HMCES: variants seen among roughly 807,000 people sequenced by gnomAD.
HMCES encodes abasic site processing protein HMCES.
A neutral mutation model predicts 35.1 loss-of-function variants in HMCES; 27 were observed. That is an observed-to-expected ratio of 0.77 (90% CI 0.57 to 1.06). HMCES has a LOEUF of 1.06. Among genes scored for constraint, HMCES ranks in the 50% least tolerant of loss-of-function variants. The pLI is 0.00. For synonymous variants in HMCES, 130 were observed against 154.7 expected (o/e 0.84, Z 1.18); for missense variants, 391 against 430.4 (o/e 0.91, Z 0.81).
At chr3:129,299,890 AAGTGCTGGGATTAC>A (rs2071141285) in intron 5 of HMCES, among the ~76,000 whole-genome samples, 1 of 151,170 alleles carries the variant, frequency 6.6e-6, no homozygotes, top group African/African-American at 2.4e-5. Flanking sequence ...CGGCCTCCCA[AAGTGCTGGGATTAC>A]AGGTGTGAGC....
intron 6 of HMCES, among the ~76,000 whole-genome samples, chr3:129,303,385 CT>C (rs1442346053): frequency 6.6e-6 from 1 of 152,134 alleles, no homozygotes; most frequent in Non-Finnish European, 1.5e-5. Flanking sequence ...ACAGTGTCAT[CT>C]TTTTTTCTTT....
At chr3:129,287,457 G>A (rs1940668727) in intron 2 of HMCES, among the ~76,000 whole-genome samples, 1 of 151,420 alleles carries the variant, frequency 6.6e-6, no homozygotes, top group Non-Finnish European at 1.5e-5. Flanking sequence ...CAACGTTTAT[G>A]CCCAGAGAAA....
Position 129,279,855 on chromosome 3 carries a change from T to G in HMCES, c.123T>G (p.Ser41=), listed in dbSNP as rs547746855. Residue 41 remains serine, a synonymous_variant, in exon 2 of 7, where the codon TCT becomes TCG. Coordinates refer to ENST00000383463, the MANE Select transcript of HMCES (RefSeq NM_020187.3). This position sits in a 1 kb window ranked among gnomAD's most constrained non-coding sequence, Gnocchi z 4.2. ...GGGACCCTGATAAGTACTGCCCCTC[T>G]TACAACAAGAGTCCTCAATCCAACA... ...EWRDPDKYCP[S]YNKSPQSNSP... is the part of the protein sequence containing the mutation. The G allele has an allele frequency of 1.2e-6, 2 of 1,611,496 alleles. No homozygotes were observed. The highest frequency in any genetic ancestry group is 2.2e-5 in the South Asian group (2 of 90,612).
At chr3:129,302,847 C>G (rs1325292899) in intron 6 of HMCES, among the ~76,000 whole-genome samples, 2 of 151,392 alleles carry the variant, frequency 1.3e-5, no homozygotes, top group Non-Finnish European at 2.9e-5. Context: ...ACCCCGTTCT[C>G]CACAAAAAGG....
chr3:129,287,069 T>G (rs1394537870), intron 2 of HMCES, among the ~76,000 whole-genome samples: 1 of 152,172 alleles, frequency 6.6e-6, no homozygotes, highest in Admixed American at 6.5e-5. Context: ...AAAAAGACAC[T>G]AGTAGAAATC....
At chr3:129,291,968 T>A (rs1158283850) in intron 4 of HMCES, among the ~76,000 whole-genome samples, 7 of 152,018 alleles carry the variant, frequency 4.6e-5, no homozygotes, top group Non-Finnish European at 1.0e-4. Flanking sequence ...CCCAGCTACT[T>A]GGGAGGCTGA....
chr3:129,293,824 C>A (rs1419440386), intron 4 of HMCES, among the ~76,000 whole-genome samples: 1 of 152,032 alleles, frequency 6.6e-6, no homozygotes, highest in Non-Finnish European at 1.5e-5. Context: ...TGCCTCAGCA[C>A]CCCCTAAGTG....
At chr3:129,297,600 T>C (rs1215874781) in intron 4 of HMCES, among the ~76,000 whole-genome samples, 2 of 152,106 alleles carry the variant, frequency 1.3e-5, no homozygotes, top group African/African-American at 2.4e-5. Flanking sequence ...CCTCTGAGGT[T>C]TGCAGCTCCT....
At position 129,305,812 on chromosome 3, in the gene HMCES, C is replaced by A. The variant is rs1269540677; in HGVS notation, c.*987C>A. 1.3e-5 allele frequency: 2 copies of A among 152,278 alleles called. No homozygotes were observed. Among genetic ancestry groups the A allele is most frequent in the Non-Finnish European group, 2.9e-5 (2 of 68,078 alleles). The allele number at this position is 152,278 out of a possible 1,614,324, so 9.4% of individuals were successfully genotyped here. ...ATCAGGGATCAGAAGATCGGAATTT[C>A]CACCAATCAGCGGGAAGCCTCGGCC... On this transcript the variant is annotated 3_prime_UTR_variant, in exon 7 of 7. Transcript: ENST00000383463.
chr3:129,280,401 G>A (rs1300983174), intron 2 of HMCES, among the ~76,000 whole-genome samples: 1 of 152,064 alleles, frequency 6.6e-6, no homozygotes, highest in East Asian at 1.9e-4. Context: ...AAAAAATGAG[G>A]TGGGAAGATC....
chr3:129,299,621 T>C (rs541019611), intron 5 of HMCES, among the ~76,000 whole-genome samples: 4 of 151,696 alleles, frequency 2.6e-5, no homozygotes, highest in Non-Finnish European at 4.4e-5. Flanking sequence ...TATTTATATA[T>C]TTTTTGTATG....
intron 2 of HMCES, among the ~76,000 whole-genome samples, chr3:129,282,299 A>C (rs1292229006): frequency 1.3e-5 from 2 of 151,666 alleles, no homozygotes; most frequent in South Asian, 2.1e-4. Context: ...TTTTAACAAA[A>C]AAAAAAAAAA....
chr3:129,290,774 C>A lies in HMCES; in HGVS notation c.423C>A (p.Phe141Leu), dbSNP rs1266571638. The change falls in exon 4 of 7, where the codon TTC (phenylalanine) becomes TTA (leucine). Residue 141 changes from phenylalanine to leucine, a missense_variant. Transcript: ENST00000383463. ...CQGTNQRQPYFIYFPQIKTEK... is the reference protein window; with the variant it reads ...CQGTNQRQPYLIYFPQIKTEK... ...GAACAAACCAGAGGCAGCCATACTT[C>A]ATCTATTTTCCTCAAATCAAGACAG... is the stretch of plus-strand genomic sequence containing the variant. The A allele has an allele frequency of 3.1e-6, 5 of 1,613,310 alleles. No homozygotes were observed. The highest frequency in any genetic ancestry group is 4.2e-6 in the Non-Finnish European group (5 of 1,179,346).
rs568184379 is a variant in HMCES at position 129,294,973 on chromosome 3, C to T, written c.454-3381C>T. Among the ~76,000 whole-genome samples, 216 of 152,014 alleles carry T rather than the reference C, an allele frequency of 1.4e-3. 1 individual carries two copies. Among genetic ancestry groups the T allele is most frequent in the Middle Eastern group, 0.014 (4 of 294 alleles). The stretch of plus-strand genomic sequence containing the variant: ...GAAATCGAGACCATCTTGGCTAACA[C>T]GGTGAAACCCCATCTCTACTAAAAA... On this transcript the variant is annotated intron_variant, in intron 4 of 6. Coordinates refer to ENST00000383463, the MANE Select transcript of HMCES (RefSeq NM_020187.3).
At chr3:129,297,387 C>T (rs1259453802) in intron 4 of HMCES, among the ~76,000 whole-genome samples, 4 of 151,972 alleles carry the variant, frequency 2.6e-5, no homozygotes, top group South Asian at 2.1e-4. Flanking sequence ...GATTCCTAGG[C>T]GTGACAGGGA....
At chr3:129,290,017 C>G (rs757800571) in intron 3 of HMCES, among the ~76,000 whole-genome samples, 1 of 151,678 alleles carries the variant, frequency 6.6e-6, no homozygotes, top group South Asian at 2.1e-4. Flanking sequence ...GAAACCCCGT[C>G]TCTACTAAAA....
Position 129,288,902 on chromosome 3 carries a change from G to GTCCC in HMCES, c.234_237dup (p.Ser80ProfsTer8). On this transcript the variant is annotated frameshift_variant, in exon 3 of 7. Coordinates refer to ENST00000383463, the MANE Select transcript of HMCES (RefSeq NM_020187.3). LOFTEE classifies it high-confidence loss of function. ...CATTGCTCCCATGCGCTGGGGCTTG[G>GTCCC]TCCCTTCTTGGTTCAAAGAAAGTGA... 1 of 1,600,180 alleles carries GTCCC rather than the reference G, an allele frequency of 6.2e-7. No homozygotes were observed. The highest frequency in any genetic ancestry group is 1.1e-5 in the South Asian group (1 of 90,126).
chr3:129,293,561 C>CTTT (rs60989412), intron 4 of HMCES, among the ~76,000 whole-genome samples: 31 of 86,700 alleles, frequency 3.6e-4, no homozygotes, highest in Non-Finnish European at 6.3e-4. Context: ...TACATTAATT[C>CTTT]TTTTTTTTTT....
At chr3:129,283,933 G>A (rs1034279851) in intron 2 of HMCES, among the ~76,000 whole-genome samples, 20 of 152,322 alleles carry the variant, frequency 1.3e-4, no homozygotes, top group African/African-American at 4.8e-4. Flanking sequence ...TTTGATTCTG[G>A]AAGAGAAAGA....
Sources: gnomAD v4.1 joint callset for allele counts (sites outside exome capture counted in the v4.1 genomes callset) on GRCh38, gnomAD v4.1.1 for gene constraint, Gnocchi (gnomAD v3.1) non-coding constraint, MANE v1.5 for transcripts, NCBI Gene and HGNC (gene_info 2026-07-23, HGNC 2026-07-21) for gene names.